The following PLCL1 variants were observed in gnomAD, a reference collection of about 807,000 sequenced individuals.
PLCL1 encodes phospholipase C like 1 (inactive).
PLCL1 carries 41 observed loss-of-function variants against 84.4 expected under a neutral mutation model. The ratio of observed to expected loss-of-function variants is 0.49; its 90% CI spans 0.38 to 0.63. PLCL1 has a LOEUF of 0.63. PLCL1 is among the 30% of genes least tolerant of loss of function. The pLI is 0.00. For synonymous variants in PLCL1, 490 were observed against 488.3 expected (o/e 1.00, Z -0.05); for missense variants, 1,206 against 1,367.8 (o/e 0.88, Z 1.87).
chr2:198,042,350 G>A (rs1318583408), intron 1 of PLCL1, among the ~76,000 whole-genome samples: 1 of 152,116 alleles, frequency 6.6e-6, no homozygotes, highest in Non-Finnish European at 1.5e-5. Flanking sequence ...ATAAATTATG[G>A]TTTTAGTTGT....
At chr2:198,137,144 A>C (rs1694273118) in intron 5 of PLCL1, among the ~76,000 whole-genome samples, 1 of 152,188 alleles carries the variant, frequency 6.6e-6, no homozygotes, top group African/African-American at 2.4e-5. Flanking sequence ...TTAAATAAAA[A>C]AACACAAAAA....
chr2:197,949,430 A>G (rs535109070), intron 1 of PLCL1, among the ~76,000 whole-genome samples: 6 of 152,284 alleles, frequency 3.9e-5, no homozygotes, highest in African/African-American at 1.4e-4. Flanking sequence ...TTCCACTTCA[A>G]TCTTGTGTAA....
chr2:198,129,420 A>G (rs1322632283), intron 5 of PLCL1, among the ~76,000 whole-genome samples: 1 of 152,114 alleles, frequency 6.6e-6, no homozygotes, highest in Non-Finnish European at 1.5e-5. Flanking sequence ...AAACCCTTCA[A>G]CCAATTGCCA....
intron 1 of PLCL1, among the ~76,000 whole-genome samples, chr2:197,875,479 T>C (rs1687717247): frequency 6.6e-6 from 1 of 152,052 alleles, no homozygotes; most frequent in African/African-American, 2.4e-5. Context: ...AATGATCTAT[T>C]TGTTGACCTG....
chr2:197,949,020 A>G (rs566553200), intron 1 of PLCL1, among the ~76,000 whole-genome samples: 1 of 152,124 alleles, frequency 6.6e-6, no homozygotes, highest in African/African-American at 2.4e-5. Flanking sequence ...CTTCACAGAA[A>G]GTCCTCCTGC....
rs186334574 is a variant in PLCL1 at position 197,862,824 on chromosome 2, G to A, written c.240+57485G>A. Among the ~76,000 whole-genome samples the A allele has an allele frequency of 3.7e-4, 56 of 152,192 alleles. No homozygotes were observed. The East Asian group carries it at 0.011, about 29-fold the overall frequency. On this transcript the variant is annotated intron_variant, in intron 1 of 5. Transcript: ENST00000428675. Reference sequence around the variant, plus strand: ...GGATGGAATACCTTGATTGTCTCAGGCCTCTCTCTTGCTTCACTTGTTGTT... The same window carrying A: ...GGATGGAATACCTTGATTGTCTCAGACCTCTCTCTTGCTTCACTTGTTGTT...
At chr2:197,812,471 ACTT>A (rs1010736773) in intron 1 of PLCL1, among the ~76,000 whole-genome samples, 1 of 151,972 alleles carries the variant, frequency 6.6e-6, no homozygotes, top group Non-Finnish European at 1.5e-5. Context: ...TTGTTTTTTG[ACTT>A]CTTAATAATA....
chr2:198,086,026 GAGCAC>G lies in PLCL1; in HGVS notation c.2510_2514del (p.Glu837GlyfsTer11). ...GCGTTCTTTTGTGGGTGACATCATG[GAGCAC>G]GTAACCCTTTTTGTCCACATAGCAA... On this transcript the variant is annotated frameshift_variant, in exon 2 of 6. Transcript: ENST00000428675. LOFTEE classifies it high-confidence loss of function. 6.2e-7 allele frequency: 1 copy of G among 1,614,048 alleles called. No individual in the cohort carries two copies. Among genetic ancestry groups the G allele is most frequent in the Non-Finnish European group, 8.5e-7 (1 of 1,179,972 alleles).
At chr2:197,894,875 G>T (rs1688102906) in intron 1 of PLCL1, among the ~76,000 whole-genome samples, 1 of 151,904 alleles carries the variant, frequency 6.6e-6, no homozygotes, top group Non-Finnish European at 1.5e-5. Flanking sequence ...TGAGGATAGG[G>T]GATTCATGAC....
chr2:197,809,918 T>C (rs1690548856), intron 1 of PLCL1, among the ~76,000 whole-genome samples: 1 of 152,126 alleles, frequency 6.6e-6, no homozygotes, highest in South Asian at 2.1e-4. Context: ...CTATGGATTA[T>C]ATAGGCGTTT....
chr2:197,834,918 G>C (rs1300189569), intron 1 of PLCL1, among the ~76,000 whole-genome samples: 1 of 152,206 alleles, frequency 6.6e-6, no homozygotes, highest in Non-Finnish European at 1.5e-5. Context: ...ATCAATGATA[G>C]ACTGGATCAA....
At chr2:197,850,934 C>G (rs1482120675) in intron 1 of PLCL1, among the ~76,000 whole-genome samples, 3 of 152,176 alleles carry the variant, frequency 2.0e-5, no homozygotes, top group Non-Finnish European at 2.9e-5. Flanking sequence ...CAAACATTAT[C>G]ACAAACTTTC....
rs143192138 is a variant in PLCL1 at position 198,011,220 on chromosome 2, CT to C, written c.241-72532del. Reference sequence around the variant, plus strand: ...TAAATTTAGGTTGTTGATTTTAGATCTTTTTTCTTTTTTAATGTAGATGTTT... The same window carrying C: ...TAAATTTAGGTTGTTGATTTTAGATCTTTTTCTTTTTTAATGTAGATGTTT... On this transcript the variant is annotated intron_variant, in intron 1 of 5. Coordinates refer to ENST00000428675, the MANE Select transcript of PLCL1 (RefSeq NM_006226.4). Among the ~76,000 whole-genome samples, 1,289 of 151,686 alleles carry C rather than the reference CT, an allele frequency of 8.5e-3. 17 individuals are homozygous for C. Among genetic ancestry groups the C allele is most frequent in the African/African-American group, 0.03 (1,229 of 41,418 alleles).
intron 1 of PLCL1, among the ~76,000 whole-genome samples, chr2:197,929,868 G>T (rs1688900804): frequency 6.6e-6 from 1 of 152,074 alleles, no homozygotes; most frequent in South Asian, 2.1e-4. Flanking sequence ...GAATAATAGA[G>T]AGAAAAAGAA....
At chr2:198,055,254 A>G (rs532659768) in intron 1 of PLCL1, among the ~76,000 whole-genome samples, 1 of 149,424 alleles carries the variant, frequency 6.7e-6, no homozygotes, top group South Asian at 2.2e-4. Context: ...AAACTCTTAA[A>G]CCCATAATAT....
chr2:197,897,426 C>G (rs1283658126), intron 1 of PLCL1, among the ~76,000 whole-genome samples: 1 of 151,832 alleles, frequency 6.6e-6, no homozygotes, highest in Non-Finnish European at 1.5e-5. Flanking sequence ...GAGGCCATAC[C>G]GTCAGGGTTT....
chr2:198,147,064 C>T lies in PLCL1; in HGVS notation c.*102C>T. ...TTTTATAAGTTCACAAAATGGTGCC[C>T]TATATGGGGTATTGGACATAGATAT... On this transcript the variant is annotated 3_prime_UTR_variant, in exon 6 of 6. Coordinates refer to ENST00000428675, the MANE Select transcript of PLCL1 (RefSeq NM_006226.4). 1.2e-6 allele frequency: 1 copy of T among 849,464 alleles called. No homozygotes were observed. The highest frequency in any genetic ancestry group is 2.1e-5 in the South Asian group (1 of 47,372). The allele number at this position is 849,464 out of a possible 1,614,324, so 52.6% of individuals were successfully genotyped here.
chr2:198,118,096 A>G (rs1328627903), intron 5 of PLCL1, among the ~76,000 whole-genome samples: 1 of 151,912 alleles, frequency 6.6e-6, no homozygotes, highest in Non-Finnish European at 1.5e-5. Context: ...AGAGGAATGA[A>G]ATTTTCCTTG....
intron 1 of PLCL1, among the ~76,000 whole-genome samples, chr2:198,027,830 T>C (rs1691309616): frequency 1.3e-5 from 2 of 152,032 alleles, no homozygotes; most frequent in Non-Finnish European, 2.9e-5. Context: ...TTTTCTTTTC[T>C]TTTCTTTTTT....
Sources: gnomAD v4.1 joint callset for allele counts (sites outside exome capture counted in the v4.1 genomes callset) on GRCh38, gnomAD v4.1.1 for gene constraint, MANE v1.5 for transcripts, NCBI Gene and HGNC (gene_info 2026-07-23, HGNC 2026-07-21) for gene names.